HMGCLL1: variants seen among roughly 807,000 people sequenced by gnomAD.
HMGCLL1 encodes 3-hydroxymethyl-3-methylglutaryl-CoA lyase, cytoplasmic.
A neutral mutation model predicts 39.1 loss-of-function variants in HMGCLL1; 36 were observed. That is an observed-to-expected ratio of 0.92 (90% confidence interval 0.71 to 1.22). The LOEUF (loss-of-function observed/expected upper bound fraction) is 1.22. HMGCLL1 is among the 50% of genes most tolerant of loss of function. HMGCLL1 has a pLI of 0.00. For synonymous variants in HMGCLL1, 149 were observed against 144.0 expected (o/e 1.03, Z -0.25); for missense variants, 451 against 416.5 (o/e 1.08, Z -0.72).
At chr6:55,635,154 GA>G in the HMGCLL1 span, among the ~76,000 whole-genome samples, 19 of 147,752 alleles carry the variant, frequency 1.3e-4, no homozygotes, top group African/African-American at 2.0e-4. Flanking sequence ...GTAACTTACA[GA>G]AAAAAAAAAT....
the HMGCLL1 span, among the ~76,000 whole-genome samples, chr6:55,672,329 T>C: frequency 2.0e-4 from 31 of 151,828 alleles, no homozygotes; most frequent in Non-Finnish European, 1.3e-4. Context: ...AAAATTAATT[T>C]TGTGAATTTA....
chr6:55,626,671 C>T, the HMGCLL1 span, among the ~76,000 whole-genome samples: 1 of 152,116 alleles, frequency 6.6e-6, no homozygotes, highest in Non-Finnish European at 1.5e-5. Flanking sequence ...CTTCCTGTTC[C>T]TGCGACATTA....
chr6:55,437,855 T>C (rs1166466136), intron 8 of HMGCLL1, among the ~76,000 whole-genome samples: 1 of 151,762 alleles, frequency 6.6e-6, no homozygotes. Context: ...ATAGCAGAGG[T>C]AGTAAGGGAA....
chr6:55,606,637 C>T, the HMGCLL1 span, among the ~76,000 whole-genome samples: 1 of 152,132 alleles, frequency 6.6e-6, no homozygotes, highest in Non-Finnish European at 1.5e-5. Context: ...AAAGATGTCA[C>T]CACAAACATA....
the HMGCLL1 span, among the ~76,000 whole-genome samples, chr6:55,608,591 A>AT: frequency 2.6e-5 from 4 of 152,240 alleles, no homozygotes; most frequent in Non-Finnish European, 5.9e-5. Flanking sequence ...CTGACTCATT[A>AT]TGATAACTCC....
chr6:55,467,216 C>A (rs1764830940), intron 7 of HMGCLL1, among the ~76,000 whole-genome samples: 1 of 152,086 alleles, frequency 6.6e-6, no homozygotes, highest in Admixed American at 6.6e-5. Flanking sequence ...AAAGGTCTCA[C>A]TTTAAGACAC....
Position 55,478,197 on chromosome 6 carries a change from G to T in HMGCLL1, c.795+17222C>A, listed in dbSNP as rs115710189. On this transcript the variant is annotated intron_variant, in intron 7 of 8. Coordinates refer to ENST00000274901, the MANE Select transcript of HMGCLL1 (RefSeq NM_001042406.2). Reference sequence around the variant, plus strand: ...TTACAATAATCTCTTGTTACATTTTGATCTCTGCTACATGTATAATATTTT... The same window carrying T: ...TTACAATAATCTCTTGTTACATTTTTATCTCTGCTACATGTATAATATTTT... Among the ~76,000 whole-genome samples the T allele has an allele frequency of 2.8e-4, 41 of 148,844 alleles. 2 individuals carry two copies. The highest frequency in any genetic ancestry group is 1.0e-3 in the African/African-American group (41 of 40,112).
At chr6:55,622,253 GC>G in the HMGCLL1 span, among the ~76,000 whole-genome samples, 1 of 151,918 alleles carries the variant, frequency 6.6e-6, no homozygotes, top group African/African-American at 2.4e-5. Context: ...CAATTTGGAT[GC>G]CCTTTATTTC....
chr6:55,633,719 A>C, the HMGCLL1 span, among the ~76,000 whole-genome samples: 1 of 152,054 alleles, frequency 6.6e-6, no homozygotes, highest in Admixed American at 6.6e-5. Context: ...TAAAAAGATT[A>C]AAATTTCACA....
chr6:55,487,631 C>CT (rs1420548907), intron 7 of HMGCLL1, among the ~76,000 whole-genome samples: 1 of 151,952 alleles, frequency 6.6e-6, no homozygotes. Flanking sequence ...TGAACTCATG[C>CT]TTTTTTATGG....
At chr6:55,562,413 A>AACACAC (rs796500155) in intron 1 of HMGCLL1, among the ~76,000 whole-genome samples, 27 of 152,234 alleles carry the variant, frequency 1.8e-4, no homozygotes, top group African/African-American at 6.3e-4. Context: ...TACTGAAAGA[A>AACACAC]ACACACACAC....
the HMGCLL1 span, among the ~76,000 whole-genome samples, chr6:55,668,915 C>T: frequency 6.6e-6 from 1 of 151,842 alleles, no homozygotes; most frequent in South Asian, 2.1e-4. Context: ...GGGAGGGAAA[C>T]CTTCCTTTCC....
upstream of HMGCLL1, among the ~76,000 whole-genome samples, chr6:55,579,594 G>C (rs1463910669): frequency 6.6e-6 from 1 of 152,104 alleles, no homozygotes; most frequent in Non-Finnish European, 1.5e-5. Context: ...AAATGTTTTT[G>C]AGGCAATCAG....
chr6:55,589,120 A>C, the HMGCLL1 span, among the ~76,000 whole-genome samples: 4 of 151,992 alleles, frequency 2.6e-5, no homozygotes, highest in Non-Finnish European at 4.4e-5. Context: ...AATTTTAGAC[A>C]AATATCCCTG....
intron 1 of HMGCLL1, among the ~76,000 whole-genome samples, chr6:55,550,237 G>C (rs148174758): frequency 6.6e-6 from 1 of 151,942 alleles, no homozygotes; most frequent in Non-Finnish European, 1.5e-5. Context: ...AGACTACAGC[G>C]GATGTTGTGA....
chr6:55,477,177 T>TAA (rs1765350904), intron 7 of HMGCLL1, among the ~76,000 whole-genome samples: 1 of 38,366 alleles, frequency 2.6e-5, no homozygotes, highest in Non-Finnish European at 4.0e-5. Context: ...ATAATATATA[T>TAA]TATATTTATA....
At chr6:55,647,247 A>C in the HMGCLL1 span, among the ~76,000 whole-genome samples, 1 of 151,920 alleles carries the variant, frequency 6.6e-6, no homozygotes, top group African/African-American at 2.4e-5. Flanking sequence ...CCATTTGCAC[A>C]GAATGTCTTT....
At chr6:55,510,335 T>A (rs1429126464) in intron 5 of HMGCLL1, among the ~76,000 whole-genome samples, 1 of 151,858 alleles carries the variant, frequency 6.6e-6, no homozygotes, top group Non-Finnish European at 1.5e-5. Context: ...TAAAGACACA[T>A]GCACACGTAT....
the HMGCLL1 span, among the ~76,000 whole-genome samples, chr6:55,603,063 A>G: frequency 6.6e-6 from 1 of 152,060 alleles, no homozygotes; most frequent in Non-Finnish European, 1.5e-5. Context: ...AGACTGGGGA[A>G]ATAGTATAAA....
Sources: allele counts gnomAD v4.1 joint callset (sites outside exome capture counted in the v4.1 genomes callset), GRCh38; gene constraint gnomAD v4.1.1; transcripts MANE v1.5; gene names NCBI Gene and HGNC (gene_info 2026-07-23, HGNC 2026-07-21).